The following VIRMA variants were observed in gnomAD, a reference collection of about 807,000 sequenced individuals.
The protein encoded by VIRMA is protein virilizer homolog.
A neutral mutation model predicts 182.4 loss-of-function variants in VIRMA; 65 were observed. The ratio of observed to expected loss-of-function variants is 0.36; its 90% confidence interval spans 0.29 to 0.44. The LOEUF is 0.44. Among genes scored for constraint, VIRMA ranks in the 20% least tolerant of loss-of-function variants. The pLI, the probability that VIRMA is intolerant of heterozygous loss-of-function variation, is 1.00. For missense variants in VIRMA, 1,752 were observed against 2,158.1 expected (o/e 0.81, Z 3.73); for synonymous variants, 709 against 743.1 (o/e 0.95, Z 0.75).
At position 94,519,472 on chromosome 8, in the gene VIRMA, G is replaced by A. The variant is rs1366863801; in HGVS notation, c.2026C>T (p.Leu676Phe). Reference protein sequence around the residue: ...DDPYPVLFRYLHSHHFLELVT... With the variant: ...DDPYPVLFRYFHSHHFLELVT... ...AACTCCAAGAAGTGATGACTGTGAAGATATCTGTGGAAGAGTTAATTGATA... is the reference window on the plus strand; with the variant it reads ...AACTCCAAGAAGTGATGACTGTGAAAATATCTGTGGAAGAGTTAATTGATA... The change falls in exon 9 of 24, where the codon CTT becomes TTT. Residue 676 changes from leucine to phenylalanine, a missense_variant. Around this residue, in one of 11 missense-constraint regions of VIRMA, gnomAD observed 401 missense variants for 455.1 expected, o/e 0.88. Coordinates refer to ENST00000297591, the MANE Select transcript of VIRMA (RefSeq NM_015496.5). The A allele has an allele frequency of 2.8e-5, 43 of 1,521,752 alleles. No individual in the cohort carries two copies. Among genetic ancestry groups the A allele is most frequent in the Non-Finnish European group, 3.7e-5 (42 of 1,138,644 alleles). The allele number at this position is 1,521,752 out of a possible 1,614,324, so 94.3% of individuals were successfully genotyped here. A position where few individuals can be genotyped will look rare whatever the true frequency, so the allele number is the denominator to read the frequency against.
At chr8:94,541,944 T>C (rs184395129) in intron 2 of VIRMA, among the ~76,000 whole-genome samples, 2 of 152,344 alleles carry the variant, frequency 1.3e-5, no homozygotes, top group East Asian at 3.9e-4. Context: ...TTTAGAGTTA[T>C]TACAACATGA....
intron 5 of VIRMA, among the ~76,000 whole-genome samples, chr8:94,532,500 C>T (rs1203753931): frequency 6.6e-6 from 1 of 152,206 alleles, no homozygotes; most frequent in Non-Finnish European, 1.5e-5. Context: ...AAGTGCGTGT[C>T]TATCTAGTGA....
chr8:94,499,231 C>A (rs1813888187), intron 17 of VIRMA, 143 bp downstream of exon 17: 2 of 502,030 alleles, frequency 4.0e-6, no homozygotes, highest in Middle Eastern at 5.2e-4. Context: ...AAACTCCTGG[C>A]CCCAAGAGAT....
chr8:94,541,962 C>A (rs775055117), intron 2 of VIRMA, among the ~76,000 whole-genome samples: 2 of 152,174 alleles, frequency 1.3e-5, no homozygotes, highest in Non-Finnish European at 2.9e-5. Context: ...TGAAAAGCCA[C>A]ACATCTCCAG....
At position 94,511,725 on chromosome 8, in the gene VIRMA, T is replaced by C. The variant is rs199804329; in HGVS notation, c.2850A>G (p.Gln950=). 1.3e-4 allele frequency: 210 copies of C among 1,612,228 alleles called. 4 individuals are homozygous for C. The highest frequency in any genetic ancestry group is 2.5e-4 in the Admixed American group (15 of 59,900). ...CAAGATTCCATTTCAGATCTTTCTGTTGACCTTTATATAGGATAAGAAAAA... is the reference window on the plus strand; with the variant it reads ...CAAGATTCCATTTCAGATCTTTCTGCTGACCTTTATATAGGATAAGAAAAA... ...VACPPPPVEG[Q]QKDLKWNLAV... Residue 950 remains glutamine, a synonymous_variant, in exon 13 of 24, where the codon CAA becomes CAG. Transcript: ENST00000297591.
At chr8:94,547,536 G>A (rs901812633) in intron 1 of VIRMA, among the ~76,000 whole-genome samples, 1 of 150,570 alleles carries the variant, frequency 6.6e-6, no homozygotes, top group Non-Finnish European at 1.5e-5. Context: ...TTTCACTTCT[G>A]CAGATGAGTT....
chr8:94,508,234 T>C (rs1370827498), intron 15 of VIRMA, among the ~76,000 whole-genome samples: 1 of 151,898 alleles, frequency 6.6e-6, no homozygotes, highest in Non-Finnish European at 1.5e-5. Flanking sequence ...GGACTACAGA[T>C]GCATGCCACC....
At chr8:94,507,379 C>A (rs1012817150) in intron 15 of VIRMA, among the ~76,000 whole-genome samples, 1 of 151,688 alleles carries the variant, frequency 6.6e-6, no homozygotes, top group African/African-American at 2.4e-5. Flanking sequence ...AGGTGATCCA[C>A]CTGCCTCGGC....
chr8:94,490,234 T>A (rs1345578644), intron 22 of VIRMA, 152 bp from the exon 23 acceptor site: 3 of 794,040 alleles, frequency 3.8e-6, no homozygotes, highest in Non-Finnish European at 5.7e-6. Context: ...TCACAGTGGT[T>A]AAGAGCAGAG....
chr8:94,504,906 A>T (rs1814103676), intron 16 of VIRMA, among the ~76,000 whole-genome samples: 1 of 152,224 alleles, frequency 6.6e-6, no homozygotes, highest in Non-Finnish European at 1.5e-5. Flanking sequence ...GTTACAGATA[A>T]GAAAAAAGGA....
At chr8:94,528,231 CAAAAAA>C (rs11368037) in intron 7 of VIRMA, among the ~76,000 whole-genome samples, 1 of 91,828 alleles carries the variant, frequency 1.1e-5, no homozygotes, top group Non-Finnish European at 2.4e-5. Context: ...GACTTTGTCT[CAAAAAA>C]AAAAAAAAAA....
chr8:94,547,323 A>G (rs1288007259), intron 1 of VIRMA, among the ~76,000 whole-genome samples: 2 of 151,244 alleles, frequency 1.3e-5, no homozygotes, highest in African/African-American at 4.9e-5. Flanking sequence ...TGGAAGGTTC[A>G]TGATCAGGAA....
chr8:94,526,821 T>C lies in VIRMA; in HGVS notation c.1423A>G (p.Thr475Ala). 6.2e-7 allele frequency: 1 copy of C among 1,614,220 alleles called. No individual in the cohort carries two copies. The highest frequency in any genetic ancestry group is 8.5e-7 in the Non-Finnish European group (1 of 1,180,036). ...ATCACTCCTGCTTGTAGCAGTCCTG[T>C]AACTCCTTGAGCCCCACATTCTGCT... ...SLAECGAQGV[T>A]GLLQAGVISG... The change falls in exon 8 of 24, where the codon ACA (threonine) becomes GCA (alanine). Residue 475 changes from threonine to alanine, a missense_variant. Physicochemically the swap from Thr to Ala is moderately conservative, Grantham distance 58. Around this residue, in one of 11 missense-constraint regions of VIRMA, gnomAD observed 401 missense variants for 455.1 expected, o/e 0.88. Transcript: ENST00000297591.
At chr8:94,494,241 G>C (rs1257304629) in intron 20 of VIRMA, among the ~76,000 whole-genome samples, 3 of 151,898 alleles carry the variant, frequency 2.0e-5, no homozygotes, top group African/African-American at 7.3e-5. Flanking sequence ...GATTGTTTGA[G>C]GCTAGGAGTG....
chr8:94,502,796 A>G (rs774762609), intron 16 of VIRMA, among the ~76,000 whole-genome samples: 7 of 152,290 alleles, frequency 4.6e-5, no homozygotes, highest in Non-Finnish European at 8.8e-5. Flanking sequence ...AGTCAGAGCT[A>G]TGTAACAAAC....
intron 1 of VIRMA, among the ~76,000 whole-genome samples, chr8:94,552,800 T>C (rs1816044894): frequency 6.6e-6 from 1 of 152,140 alleles, no homozygotes; most frequent in Non-Finnish European, 1.5e-5. Flanking sequence ...TCTCCCCTCT[T>C]CGCAAGTATT....
chr8:94,551,647 T>C (rs1042374462), intron 1 of VIRMA, among the ~76,000 whole-genome samples: 7 of 152,218 alleles, frequency 4.6e-5, no homozygotes, highest in Admixed American at 3.9e-4. Context: ...AAATACATGA[T>C]AAACTAATGA....
chr8:94,511,740 G>A lies in VIRMA; in HGVS notation c.2846-11C>T. Reference sequence around the variant, plus strand: ...GATCTTTCTGTTGACCTTTATATAGGATAAGAAAAAGAAACAAAACTAATT... The same window carrying A: ...GATCTTTCTGTTGACCTTTATATAGAATAAGAAAAAGAAACAAAACTAATT... On this transcript the variant is annotated splice_polypyrimidine_tract_variant and intron_variant, in intron 12 of 23. Coordinates refer to ENST00000297591, the MANE Select transcript of VIRMA (RefSeq NM_015496.5). 1 of 1,585,302 alleles carries A rather than the reference G, an allele frequency of 6.3e-7. No homozygotes were observed. The highest frequency in any genetic ancestry group is 8.6e-7 in the Non-Finnish European group (1 of 1,165,474).
chr8:94,523,586 G>T (rs146009832), intron 8 of VIRMA, among the ~76,000 whole-genome samples: 32 of 150,130 alleles, frequency 2.1e-4, no homozygotes, highest in African/African-American at 2.9e-4. Flanking sequence ...TTTTTTTTTT[G>T]ATTTTTTATT....
Sources: gnomAD v4.1 joint callset for allele counts (sites outside exome capture counted in the v4.1 genomes callset) on GRCh38, gnomAD v4.1.1 for gene constraint, gnomAD v4.1.1 regional missense constraint, MANE v1.5 for transcripts, NCBI Gene and HGNC (gene_info 2026-07-23, HGNC 2026-07-21) for gene names.